The following RAB11FIP4 variants were observed in gnomAD, a reference collection of about 807,000 sequenced individuals.
The protein encoded by RAB11FIP4 is rab11 family-interacting protein 4.
A neutral mutation model predicts 74.3 loss-of-function variants in RAB11FIP4; 23 were observed. The observed-to-expected ratio is 0.31, with a 90% CI of 0.22 to 0.44. RAB11FIP4 has a LOEUF of 0.44. RAB11FIP4 is among the 20% of genes least tolerant of loss of function. The probability of loss-of-function intolerance (pLI) is 1.00; values close to 1 mark genes in which losing one functional copy is unlikely to be tolerated. For missense variants in RAB11FIP4, 630 were observed against 863.9 expected (o/e 0.73, Z 3.39); for synonymous variants, 360 against 359.9 (o/e 1.00, Z 0.00).
At chr17:31,422,443 T>C (rs186518416) in intron 1 of RAB11FIP4, among the ~76,000 whole-genome samples, 32 of 152,366 alleles carry the variant, frequency 2.1e-4, no homozygotes, top group Admixed American at 3.9e-4. Context: ...AGAGGAGTGT[T>C]GAAGTCTCCA....
intron 3 of RAB11FIP4, among the ~76,000 whole-genome samples, chr17:31,473,660 A>G (rs555573216): frequency 6.6e-6 from 1 of 152,372 alleles, no homozygotes; most frequent in African/African-American, 2.4e-5. Context: ...CCAGGCTGCC[A>G]GGACTGCTGA....
intron 3 of RAB11FIP4, among the ~76,000 whole-genome samples, chr17:31,462,201 G>A (rs1166037919): frequency 2.0e-5 from 3 of 152,104 alleles, no homozygotes; most frequent in African/African-American, 4.8e-5. Flanking sequence ...GGGAGGCAGA[G>A]GTTGCAGTGA....
intron 3 of RAB11FIP4, among the ~76,000 whole-genome samples, chr17:31,444,569 C>G (rs1285080422): frequency 6.6e-6 from 1 of 152,170 alleles, no homozygotes; most frequent in Non-Finnish European, 1.5e-5. Context: ...CTGACCATCC[C>G]TACCCTAGAG....
chr17:31,412,194 C>T (rs922190280), intron 1 of RAB11FIP4, among the ~76,000 whole-genome samples: 2 of 152,202 alleles, frequency 1.3e-5, no homozygotes, highest in African/African-American at 4.8e-5. Flanking sequence ...TGACTGCGCA[C>T]ACCACCACCC....
chr17:31,522,279 T>A, intron 6 of RAB11FIP4, 81 bp from the exon 7 acceptor site: 1 of 1,448,020 alleles, frequency 6.9e-7, no homozygotes. Context: ...TGTCCTGCAC[T>A]GTGGTGTCTT....
rs60955293 is a variant in RAB11FIP4 at position 31,463,803 on chromosome 17, CTTTTTTTTTTTT to C, written c.336+29698_336+29709del. Among the ~76,000 whole-genome samples, 16 of 32,822 alleles carry C rather than the reference CTTTTTTTTTTTT, an allele frequency of 4.9e-4. No homozygotes were observed. In the Admixed American group the frequency reaches 9.1e-3, roughly 19 times the overall value. 21.5% of individuals were successfully genotyped at this position (32,822 alleles called of 152,430 possible). A position where few individuals can be genotyped will look rare whatever the true frequency, so the allele number is the denominator to read the frequency against. ...ACAGGTGTGAGCCACTGCGCCTGGA[CTTTTTTTTTTTT>C]TTTTTTTTTTTTTTTTGAGACAGAG... On this transcript the variant is annotated intron_variant, in intron 3 of 14. Transcript: ENST00000621161.
In RAB11FIP4 at chr17:31,499,663, C is replaced by T. The variant is rs902541103; in HGVS notation, c.337-17988C>T. On this transcript the variant is annotated intron_variant, in intron 3 of 14. Transcript: ENST00000621161. ...AGCCACCGCACCTGGCCACATTTCC[C>T]CATCTATAAGGAGGAAAATGATAAT... is the stretch of plus-strand genomic sequence containing the variant. Among the ~76,000 whole-genome samples the T allele has an allele frequency of 1.2e-4, 18 of 152,014 alleles. 1 individual carries two copies. The highest frequency in any genetic ancestry group is 3.9e-4 in the African/African-American group (16 of 41,416).
chr17:31,448,698 T>C (rs2142700166), intron 3 of RAB11FIP4, among the ~76,000 whole-genome samples: 1 of 152,228 alleles, frequency 6.6e-6, no homozygotes, highest in South Asian at 2.1e-4. Context: ...AAGGCTGGCC[T>C]CAAGGAGGCC....
rs140702157 is a variant in RAB11FIP4, at chr17:31,422,482, C to T, written c.160-9331C>T. Among the ~76,000 whole-genome samples, 759 of 152,172 alleles carry T rather than the reference C, an allele frequency of 5.0e-3. 6 individuals are homozygous for T. The highest frequency in any genetic ancestry group is 0.017 in the Middle Eastern group (5 of 292). On this transcript the variant is annotated intron_variant, in intron 1 of 14. Coordinates refer to ENST00000621161, the MANE Select transcript of RAB11FIP4 (RefSeq NM_032932.6). ...ATGATTGTCAATTTGTCTATTTCTC[C>T]TTTCAATTTTATTAGTTTGGCTTCA...
intron 1 of RAB11FIP4, among the ~76,000 whole-genome samples, chr17:31,397,189 GGA>G (rs2070939215): frequency 6.6e-6 from 1 of 152,192 alleles, no homozygotes; most frequent in African/African-American, 2.4e-5. Flanking sequence ...AGCTGTGGCT[GGA>G]GGAAGGGGTG....
rs143460265 is a variant in RAB11FIP4 at position 31,456,427 on chromosome 17, G to C, written c.336+22305G>C. Among the ~76,000 whole-genome samples the C allele has an allele frequency of 2.6e-5, 4 of 152,150 alleles. No individual in the cohort carries two copies. In the South Asian group the frequency reaches 8.3e-4, roughly 32 times the overall value. ...TCACCATGTTGCCCAGGCTTGTCTC[G>C]AACTCCTGAGCTCAAGCGATCCGCC... On this transcript the variant is annotated intron_variant, in intron 3 of 14. Coordinates refer to ENST00000621161, the MANE Select transcript of RAB11FIP4 (RefSeq NM_032932.6).
intron 3 of RAB11FIP4, among the ~76,000 whole-genome samples, chr17:31,472,900 G>T (rs1166954106): frequency 1.3e-5 from 2 of 152,070 alleles, no homozygotes; most frequent in East Asian, 3.9e-4. Flanking sequence ...GGGCGTGGTG[G>T]CAGGCACCTG....
chr17:31,421,230 C>CTT (rs200767789), intron 1 of RAB11FIP4, among the ~76,000 whole-genome samples: 2 of 151,000 alleles, frequency 1.3e-5, no homozygotes, highest in African/African-American at 4.9e-5. Flanking sequence ...CTTTTCTTTT[C>CTT]TTTTTTTTTG....
chr17:31,455,211 T>G (rs1476243279), intron 3 of RAB11FIP4, among the ~76,000 whole-genome samples: 1 of 152,074 alleles, frequency 6.6e-6, no homozygotes, highest in Non-Finnish European at 1.5e-5. Flanking sequence ...GGAAGATAAG[T>G]TGTGGGCAAG....
chr17:31,499,619 T>C (rs2072180817), intron 3 of RAB11FIP4, among the ~76,000 whole-genome samples: 1 of 152,120 alleles, frequency 6.6e-6, no homozygotes, highest in African/African-American at 2.4e-5. Flanking sequence ...CCTCCCAAAG[T>C]GCTGGGATTA....
intron 14 of RAB11FIP4, 58 bp from the exon 15 acceptor site, chr17:31,531,558 C>A: frequency 8.5e-7 from 1 of 1,178,664 alleles, no homozygotes; most frequent in South Asian, 1.3e-5. Flanking sequence ...GGAGTCTGGA[C>A]TCTGCCTGCA....
At chr17:31,435,312 C>A (rs1214039369) in intron 3 of RAB11FIP4, among the ~76,000 whole-genome samples, 2 of 152,160 alleles carry the variant, frequency 1.3e-5, no homozygotes, top group Non-Finnish European at 2.9e-5. Flanking sequence ...GGTGACCAAC[C>A]CCATCCTGAA....
At chr17:31,492,863 A>G (rs2072037302) in intron 3 of RAB11FIP4, among the ~76,000 whole-genome samples, 1 of 79,758 alleles carries the variant, frequency 1.3e-5, no homozygotes, top group Non-Finnish European at 2.6e-5. Context: ...AAGAGCATTG[A>G]TGACAAGAGC....
intron 3 of RAB11FIP4, among the ~76,000 whole-genome samples, chr17:31,449,314 C>A (rs1216240532): frequency 6.6e-6 from 1 of 152,134 alleles, no homozygotes; most frequent in Non-Finnish European, 1.5e-5. Context: ...CCACAGCACC[C>A]GCACCACGCC....
Sources: gnomAD v4.1 joint callset for allele counts (sites outside exome capture counted in the v4.1 genomes callset) on GRCh38, gnomAD v4.1.1 for gene constraint, MANE v1.5 for transcripts, NCBI Gene and HGNC (gene_info 2026-07-23, HGNC 2026-07-21) for gene names.